Variants in ENTPD7 observed in about 807,000 individuals in gnomAD.
The protein encoded by ENTPD7 is ectonucleoside triphosphate diphosphohydrolase 7, also known as NTPDase 7.
A neutral mutation model predicts 77.9 loss-of-function variants in ENTPD7; 53 were observed. The observed-to-expected ratio is 0.68, with a 90% CI of 0.55 to 0.85. The LOEUF (loss-of-function observed/expected upper bound fraction) is 0.85, where lower values mean the gene tolerates loss of function less well. Among genes scored for constraint, ENTPD7 ranks in the 40% least tolerant of loss-of-function variants. The pLI is 0.00. For missense variants in ENTPD7, 636 were observed against 743.7 expected (o/e 0.86, Z 1.68); for synonymous variants, 248 against 274.9 (o/e 0.90, Z 0.97).
At chr10:99,680,369 G>C (rs972850671) in intron 5 of ENTPD7, among the ~76,000 whole-genome samples, 1 of 152,044 alleles carries the variant, frequency 6.6e-6, no homozygotes, top group Non-Finnish European at 1.5e-5. Context: ...AATTCAGCCT[G>C]ACACCTTGCC....
intron 7 of ENTPD7, 90 bp downstream of exon 7, chr10:99,688,840 G>T: frequency 7.8e-7 from 1 of 1,275,906 alleles, no homozygotes; most frequent in South Asian, 1.3e-5. Context: ...CAAATTTTGA[G>T]TTGTTTTTCT....
rs1173898771 is a variant in ENTPD7, at chr10:99,688,601, C to T, written c.653-93C>T. 4 of 1,144,294 alleles carry T rather than the reference C, an allele frequency of 3.5e-6. No homozygotes were observed. In the African/African-American group the frequency reaches 4.8e-5, roughly 14 times the overall value. 70.9% of individuals were successfully genotyped at this position (1,144,294 alleles called of 1,614,324 possible). On this transcript the variant is annotated intron_variant, in intron 6 of 12. Coordinates refer to ENST00000370489, the MANE Select transcript of ENTPD7 (RefSeq NM_020354.5). The stretch of plus-strand genomic sequence containing the variant: ...AATAAAATACTATGATTACTTTTTC[C>T]AAGAAAAAGAGGAAAGAGAAGCCCT...
At chr10:99,690,298 G>A (rs1000180061) in intron 7 of ENTPD7, among the ~76,000 whole-genome samples, 4 of 152,118 alleles carry the variant, frequency 2.6e-5, no homozygotes, top group African/African-American at 9.7e-5. Context: ...ACCACAGGTG[G>A]TCATTACTCC....
At chr10:99,683,525 T>G (rs1308275236) in intron 5 of ENTPD7, among the ~76,000 whole-genome samples, 1 of 152,188 alleles carries the variant, frequency 6.6e-6, no homozygotes, top group Non-Finnish European at 1.5e-5. Flanking sequence ...AAGAGAACAG[T>G]GCAGTAAATC....
Position 99,694,771 on chromosome 10 carries a change from A to C in ENTPD7, c.844-1185A>C, listed in dbSNP as rs575347696. 2.9e-4 allele frequency among the ~76,000 whole-genome samples: 44 copies of C among 152,166 alleles called. 1 individual carries two copies. The highest frequency in any genetic ancestry group is 1.0e-3 in the Admixed American group (16 of 15,286). ...AGGCTGGTCTCGAACTCCTGGCCTC[A>C]AGTGATCCACCCTCCTTGGCCTCCC... On this transcript the variant is annotated intron_variant, in intron 8 of 12. Coordinates refer to ENST00000370489, the MANE Select transcript of ENTPD7 (RefSeq NM_020354.5).
intron 12 of ENTPD7, among the ~76,000 whole-genome samples, chr10:99,703,138 AT>A (rs2036175592): frequency 6.6e-6 from 1 of 152,234 alleles, no homozygotes; most frequent in Non-Finnish European, 1.5e-5. Context: ...GTGGGTCAGA[AT>A]TAGAATAAAG....
intron 3 of ENTPD7, among the ~76,000 whole-genome samples, chr10:99,668,990 G>A (rs182789168): frequency 1.3e-5 from 2 of 151,804 alleles, no homozygotes; most frequent in Admixed American, 1.3e-4. Context: ...CTTTGATCAG[G>A]AAAATGTGCC....
Position 99,685,781 on chromosome 10 carries a change from C to T in ENTPD7, c.549-11C>T, listed in dbSNP as rs747670371. On this transcript the variant is annotated splice_polypyrimidine_tract_variant and intron_variant, in intron 5 of 12. Transcript: ENST00000370489. The stretch of plus-strand genomic sequence containing the variant: ...GTGACTAACTTTGGGATTTTTTGTT[C>T]TTTCTTGCAGGAAGCAGTTGGCTAT... The T allele has an allele frequency of 2.8e-5, 45 of 1,607,720 alleles. No individual in the cohort carries two copies. The highest frequency in any genetic ancestry group is 3.3e-4 in the Middle Eastern group (2 of 6,076).
Position 99,705,128 on chromosome 10 carries a change from T to C in ENTPD7, c.*445T>C, listed in dbSNP as rs144527777. 2,173 of 174,414 alleles carry C rather than the reference T, an allele frequency of 0.012. 35 individuals are homozygous for C. Among genetic ancestry groups the C allele is most frequent in the Non-Finnish European group, 0.014 (1,108 of 79,550 alleles). 10.8% of individuals were successfully genotyped at this position (174,414 alleles called of 1,614,324 possible). A position where few individuals can be genotyped will look rare whatever the true frequency, so the allele number is the denominator to read the frequency against. On this transcript the variant is annotated 3_prime_UTR_variant, in exon 13 of 13. Coordinates refer to ENST00000370489, the MANE Select transcript of ENTPD7 (RefSeq NM_020354.5). ...CCCTTCTTTCTCTGTAACAGAGATA[T>C]CATTTATGTGGAGATCCACAACCTT...
At chr10:99,691,149 G>A (rs901076162) in intron 7 of ENTPD7, among the ~76,000 whole-genome samples, 1 of 151,990 alleles carries the variant, frequency 6.6e-6, no homozygotes, top group Non-Finnish European at 1.5e-5. Flanking sequence ...ACCATGCCCA[G>A]CTAATTAAAA....
chr10:99,668,600 G>A (rs1001338360), intron 3 of ENTPD7, among the ~76,000 whole-genome samples: 7 of 152,110 alleles, frequency 4.6e-5, no homozygotes, highest in African/African-American at 1.7e-4. Context: ...TGCATTGATT[G>A]ACTAATCAAA....
chr10:99,700,790 A>G (rs1188362076), intron 10 of ENTPD7, 183 bp from the exon 11 acceptor site: 1 of 647,618 alleles, frequency 1.5e-6, no homozygotes, highest in Non-Finnish European at 2.8e-6. Flanking sequence ...GGTGCTAGAC[A>G]TGGGATGACG....
At chr10:99,666,009 C>T (rs541229359) in intron 3 of ENTPD7, among the ~76,000 whole-genome samples, 10 of 152,214 alleles carry the variant, frequency 6.6e-5, no homozygotes, top group East Asian at 1.9e-4. Context: ...CACTTGAAGA[C>T]GACATGGTCT....
chr10:99,668,557 C>T (rs1325124068), intron 3 of ENTPD7, among the ~76,000 whole-genome samples: 1 of 152,058 alleles, frequency 6.6e-6, no homozygotes, highest in East Asian at 1.9e-4. Context: ...TTGTCATTTG[C>T]ATAAGAAGAG....
intron 6 of ENTPD7, among the ~76,000 whole-genome samples, chr10:99,687,531 C>T (rs1266436953): frequency 1.3e-5 from 2 of 152,118 alleles, no homozygotes; most frequent in African/African-American, 4.8e-5. Context: ...TCCCAAAGTG[C>T]TGGAATTACA....
At chr10:99,692,871 TG>T (rs2035906135) in intron 8 of ENTPD7, among the ~76,000 whole-genome samples, 1 of 50,740 alleles carries the variant, frequency 2.0e-5, no homozygotes, top group Non-Finnish European at 4.9e-5. Context: ...CTGAATTTTG[TG>T]ATGATGTCAG....
chr10:99,702,687 G>T lies in ENTPD7; in HGVS notation c.1583+14G>T. On this transcript the variant is annotated intron_variant, in intron 12 of 12. Coordinates refer to ENST00000370489, the MANE Select transcript of ENTPD7 (RefSeq NM_020354.5). ...CTTACCACTCAGGTAAAGTAAGACT[G>T]ACCAATCTGGTATCTTGAGCTCAGA... 1 of 1,594,336 alleles carries T rather than the reference G, an allele frequency of 6.3e-7. No individual in the cohort carries two copies. Among genetic ancestry groups the T allele is most frequent in the South Asian group, 1.1e-5 (1 of 87,464 alleles).
Position 99,710,051 on chromosome 10 carries a change from C to A in ENTPD7, c.*5368C>A. 1 of 985,460 alleles carries A rather than the reference C, an allele frequency of 1.0e-6. No homozygotes were observed. Among genetic ancestry groups the A allele is most frequent in the Non-Finnish European group, 1.2e-6 (1 of 829,948 alleles). The allele number at this position is 985,460 out of a possible 1,614,324, so 61.0% of individuals were successfully genotyped here. A position where few individuals can be genotyped will look rare whatever the true frequency, so the allele number is the denominator to read the frequency against. Reference sequence around the variant, plus strand: ...CACAGGCTATGTATAGCCACACATGCATGACTTCAGGCTAGCATAAAGACA... The same window carrying A: ...CACAGGCTATGTATAGCCACACATGAATGACTTCAGGCTAGCATAAAGACA... On this transcript the variant is annotated 3_prime_UTR_variant, in exon 13 of 13. Coordinates refer to ENST00000370489, the MANE Select transcript of ENTPD7 (RefSeq NM_020354.5).
chr10:99,659,911 A>G lies in ENTPD7; in HGVS notation c.-46A>G, dbSNP rs369533214. On this transcript the variant is annotated 5_prime_UTR_variant, in exon 2 of 13. Transcript: ENST00000370489. This position sits in a 1 kb window ranked among gnomAD's most constrained non-coding sequence, Gnocchi z 4.1. ...GACAAGGAGGCCACCTTCTCAGGGC[A>G]AAAGAAAAAGAAGGTGACAGGCGTT... 6.2e-7 allele frequency: 1 copy of G among 1,613,874 alleles called. No homozygotes were observed. Among genetic ancestry groups the G allele is most frequent in the South Asian group, 1.1e-5 (1 of 91,066 alleles).
Sources: allele counts gnomAD v4.1 joint callset (sites outside exome capture counted in the v4.1 genomes callset), GRCh38; gene constraint gnomAD v4.1.1; non-coding constraint Gnocchi (gnomAD v3.1); transcripts MANE v1.5; gene names NCBI Gene and HGNC (gene_info 2026-07-23, HGNC 2026-07-21).